Variants in PFKP observed in about 807,000 individuals in gnomAD.
PFKP encodes the protein ATP-dependent 6-phosphofructokinase, platelet type.
PFKP carries 101 observed loss-of-function variants against 94.3 expected under a neutral mutation model. That is an observed-to-expected ratio of 1.07 (90% CI 0.91 to 1.26). The LOEUF is 1.26. Ranked by LOEUF, PFKP falls within the 50% of genes most tolerant of loss-of-function variation. PFKP has a pLI of 0.00. For missense variants in PFKP, 1,145 were observed against 1,103.3 expected, an observed-to-expected ratio of 1.04 and a Z score of -0.53; for synonymous variants, 573 against 432.6, an observed-to-expected ratio of 1.32 and a Z score of -4.03.
chr10:3,072,821 C>T (rs986404051), intron 1 of PFKP, among the ~76,000 whole-genome samples: 14 of 152,010 alleles, frequency 9.2e-5, no homozygotes, highest in Middle Eastern at 3.4e-3. Flanking sequence ...GGTGAAGATA[C>T]GGTAACGTAG....
chr10:3,108,790 C>T lies in PFKP; in HGVS notation c.960C>T (p.Ile320=). 1 of 1,608,170 alleles carries T rather than the reference C, an allele frequency of 6.2e-7. No homozygotes were observed. Among genetic ancestry groups the T allele is most frequent in the Non-Finnish European group, 8.5e-7 (1 of 1,174,624 alleles). ...GGACCCCTTCGGCATTCGACAGGAT[C>T]TTGGTGAGTTGGGAAGGGTTGGGCA... The part of the protein sequence containing the change: ...RGGTPSAFDR[I]LASRMGVEAV... Residue 320 remains isoleucine (I), a synonymous_variant, in exon 9 of 22, where the codon ATC becomes ATT. Coordinates refer to ENST00000381125, the MANE Select transcript of PFKP (RefSeq NM_002627.5).
chr10:3,103,700 T>C, intron 4 of PFKP, 79 bp from the exon 5 acceptor site: 1 of 1,435,794 alleles, frequency 7.0e-7, no homozygotes, highest in Non-Finnish European at 9.8e-7. Context: ...CCATGGCCAT[T>C]CTGCCTCACC....
chr10:3,100,938 T>C (rs1834940228), intron 3 of PFKP: 3 of 1,609,248 alleles, frequency 1.9e-6, no homozygotes, highest in Non-Finnish European at 1.7e-6. Flanking sequence ...AAGGGGTGAC[T>C]GGAGGGAGAA....
chr10:3,107,285 C>T lies in PFKP; in HGVS notation c.846C>T (p.Pro282=), dbSNP rs763401453. The T allele has an allele frequency of 1.1e-5, 17 of 1,609,322 alleles. No homozygotes were observed. In the South Asian group the frequency reaches 1.4e-4, roughly 14 times the overall value. The part of the protein sequence containing the change: ...AEGAIDTQNK[P]ITSEKIKELV... ...GAGCAATTGATACCCAAAATAAACC[C>T]ATCACCTCTGAGAAAATCAAAGAGG... The change falls in exon 8 of 22, where the codon CCC becomes CCT. Residue 282 remains proline (P), a synonymous_variant. Transcript: ENST00000381125.
At chr10:3,099,238 T>C (rs1454031621) in intron 2 of PFKP, 37 bp from the exon 3 acceptor site, 1 of 1,490,406 alleles carries the variant, frequency 6.7e-7, no homozygotes, top group African/African-American at 1.4e-5. Context: ...TAGTGAAGTT[T>C]ATCTCATTTT....
chr10:3,100,842 G>C, intron 3 of PFKP: 1 of 659,078 alleles, frequency 1.5e-6, no homozygotes, highest in Non-Finnish European at 2.6e-6. Context: ...CTCTTTAAAA[G>C]GGGCAGCGAG....
At chr10:3,069,065 C>A in intron 1 of PFKP, among the ~76,000 whole-genome samples, 1 of 151,332 alleles carries the variant, frequency 6.6e-6, no homozygotes, top group Admixed American at 6.6e-5. Flanking sequence ...ATGCCCGGCC[C>A]GTCGTCTCCA....
Position 3,105,482 on chromosome 10 carries a change from T to A in PFKP, c.755T>A (p.Met252Lys). Reference protein sequence around the residue: ...SPPEEGWEEQMCVKLSENRAR... With the variant: ...SPPEEGWEEQKCVKLSENRAR... ...CCAGAGGAAGGCTGGGAGGAGCAGA[T>A]GTGTGTCAAACTCTCGGAGGTAATG... The change falls in exon 7 of 22, where the codon ATG becomes AAG. Residue 252 changes from methionine to lysine, a missense_variant. Physicochemically the swap from Met to Lys is moderately conservative, Grantham distance 95 (BLOSUM62 -1). This residue lies in a region of PFKP where 1,119 missense variants were observed against 1,062.8 expected (regional missense o/e 1.05). Coordinates refer to ENST00000381125, the MANE Select transcript of PFKP (RefSeq NM_002627.5). The A allele has an allele frequency of 6.2e-7, 1 of 1,613,422 alleles. No homozygotes were observed.
intron 8 of PFKP, chr10:3,107,637 G>A: frequency 1.9e-6 from 1 of 514,634 alleles, no homozygotes; most frequent in Non-Finnish European, 2.5e-6. Flanking sequence ...TGAGAATGAG[G>A]ACTGACCACT....
chr10:3,075,003 C>T (rs2388552), intron 1 of PFKP, among the ~76,000 whole-genome samples: 30,199 of 152,124 alleles, frequency 0.2, 3,212 homozygotes, highest in East Asian at 0.31. Flanking sequence ...ATTGTTTCTA[C>T]AGATATCAAA....
In PFKP at chr10:3,119,928, G is replaced by A; in HGVS notation, c.1567G>A (p.Glu523Lys). 1 of 1,614,172 alleles carries A rather than the reference G, an allele frequency of 6.2e-7. No homozygotes were observed. The highest frequency in any genetic ancestry group is 2.2e-5 in the East Asian group (1 of 44,858). Residue 523 changes from glutamate (E) to lysine (K), a missense_variant, in exon 16 of 22, where the codon GAG becomes AAG. By Grantham distance (56) the Glu-to-Lys change is moderately conservative (BLOSUM62 1). Around this residue, in one of 3 missense-constraint regions of PFKP, gnomAD observed 1,119 missense variants for 1,062.8 expected, o/e 1.05. Coordinates refer to ENST00000381125, the MANE Select transcript of PFKP (RefSeq NM_002627.5). ...ACTCCTGGAGCTGTCAGCCGCCCGGGAGAAGCACGAGGAGTTCTGTGTCCC... is the reference window on the plus strand; with the variant it reads ...ACTCCTGGAGCTGTCAGCCGCCCGGAAGAAGCACGAGGAGTTCTGTGTCCC... ...LGLLELSAAR[E>K]KHEEFCVPMV...
chr10:3,094,542 G>A (rs887724058), intron 2 of PFKP, among the ~76,000 whole-genome samples: 1 of 152,206 alleles, frequency 6.6e-6, no homozygotes, highest in East Asian at 1.9e-4. Context: ...CCTTCAGAGT[G>A]TTGGTGGGGA....
intron 16 of PFKP, among the ~76,000 whole-genome samples, chr10:3,128,389 G>T (rs1454036311): frequency 6.6e-6 from 1 of 152,226 alleles, no homozygotes; most frequent in East Asian, 1.9e-4. Context: ...TAGAAACCAG[G>T]TGGTGTTTTC....
Position 3,105,353 on chromosome 10 carries a change from A to G in PFKP, c.666-40A>G, listed in dbSNP as rs776549158. 9 of 1,539,154 alleles carry G rather than the reference A, an allele frequency of 5.8e-6. No homozygotes were observed. The East Asian group carries it at 2.0e-4, about 35-fold the overall frequency. ...TGCCTGGGCTGCCCTCGTGGGAAGG[A>G]TCCTTCTGGGGTGTTGATGCTGTTG... On this transcript the variant is annotated intron_variant, in intron 6 of 21. Transcript: ENST00000381125.
intron 16 of PFKP, chr10:3,125,133 GGCCGCCACCAGGA>G: frequency 7.5e-7 from 1 of 1,335,890 alleles, no homozygotes. Flanking sequence ...CGAGGCACGA[GGCCGCCACCAGGA>G]GCTTTGCATC....
At chr10:3,125,126 G>T in intron 16 of PFKP, 1 of 1,331,896 alleles carries the variant, frequency 7.5e-7, no homozygotes, top group Non-Finnish European at 9.9e-7. Flanking sequence ...ACATGGCCGA[G>T]GCACGAGGCC....
intron 1 of PFKP, chr10:3,069,087 C>T (rs942213773): frequency 1.3e-4 from 38 of 289,194 alleles, no homozygotes; most frequent in Middle Eastern, 1.3e-3. Context: ...GAGCCCCGGC[C>T]CCGACACCCG....
intron 16 of PFKP, among the ~76,000 whole-genome samples, chr10:3,123,491 C>T (rs915328819): frequency 1.3e-5 from 2 of 152,176 alleles, no homozygotes; most frequent in Non-Finnish European, 2.9e-5. Flanking sequence ...GCTGTCCCCA[C>T]AGATTTCAAT....
chr10:3,135,576 T>G (rs1158942411), intron 20 of PFKP, among the ~76,000 whole-genome samples, 160 bp from the exon 21 acceptor site: 1 of 152,202 alleles, frequency 6.6e-6, no homozygotes, highest in African/African-American at 2.4e-5. Context: ...CGAGGCCAGG[T>G]GCTGGCCCCA....
Sources: gnomAD v4.1 joint callset for allele counts (sites outside exome capture counted in the v4.1 genomes callset) on GRCh38, gnomAD v4.1.1 for gene constraint, gnomAD v4.1.1 regional missense constraint, MANE v1.5 for transcripts, NCBI Gene and HGNC (gene_info 2026-07-23, HGNC 2026-07-21) for gene names.